The following CLIC5 variants were observed in gnomAD, a reference collection of about 807,000 sequenced individuals.
CLIC5 encodes chloride intracellular channel protein 5.
A neutral mutation model predicts 24.7 loss-of-function variants in CLIC5; 20 were observed. The ratio of observed to expected loss-of-function variants is 0.81; its 90% CI spans 0.57 to 1.18. The LOEUF (loss-of-function observed/expected upper bound fraction) is 1.18. Ranked by LOEUF, CLIC5 falls within the 50% of genes most tolerant of loss-of-function variation. The pLI, the probability that CLIC5 is intolerant of heterozygous loss-of-function variation, is 0.00. For missense variants in CLIC5, 341 were observed against 326.1 expected (o/e 1.05, Z -0.35); for synonymous variants, 159 against 135.6 (o/e 1.17, Z -1.20).
At chr6:45,904,299 GTAT>G (rs1426605509) in intron 5 of CLIC5, among the ~76,000 whole-genome samples, 4 of 152,024 alleles carry the variant, frequency 2.6e-5, no homozygotes, top group African/African-American at 9.7e-5. Context: ...TAAACATCAA[GTAT>G]TATTATAATT....
At chr6:46,026,039 A>G (rs1767322614) in intron 1 of CLIC5, among the ~76,000 whole-genome samples, 2 of 152,188 alleles carry the variant, frequency 1.3e-5, no homozygotes, top group South Asian at 2.1e-4. Context: ...TTATAGCAGT[A>G]TGAGAACGGA....
chr6:45,966,850 G>T (rs565754525), intron 1 of CLIC5, among the ~76,000 whole-genome samples: 73 of 152,318 alleles, frequency 4.8e-4, no homozygotes, highest in African/African-American at 1.6e-3. Context: ...TCAAGTCAAT[G>T]CAGCCATAAA....
At chr6:45,970,000 A>G (rs1288176718) in intron 1 of CLIC5, among the ~76,000 whole-genome samples, 1 of 152,144 alleles carries the variant, frequency 6.6e-6, no homozygotes, top group African/African-American at 2.4e-5. Context: ...ATGGGGGCGC[A>G]GTGCCTGGCA....
At chr6:46,103,372 G>A in the CLIC5 span, among the ~76,000 whole-genome samples, 1 of 152,184 alleles carries the variant, frequency 6.6e-6, no homozygotes, top group East Asian at 1.9e-4. Context: ...CTGCAAAGCT[G>A]CCTTTCGTAG....
chr6:45,910,038 A>G (rs1435384879), intron 5 of CLIC5, among the ~76,000 whole-genome samples: 2 of 152,194 alleles, frequency 1.3e-5, no homozygotes, highest in Non-Finnish European at 2.9e-5. Context: ...ACATCTGGGA[A>G]CATTTTTTCC....
At chr6:46,050,876 T>TGC (rs1768084456) in intron 1 of CLIC5, among the ~76,000 whole-genome samples, 1 of 151,744 alleles carries the variant, frequency 6.6e-6, no homozygotes. Context: ...TGTGTGTGTG[T>TGC]GCATTCCTCC....
chr6:45,957,405 C>T (rs1764681166), intron 1 of CLIC5, among the ~76,000 whole-genome samples: 1 of 152,092 alleles, frequency 6.6e-6, no homozygotes, highest in African/African-American at 2.4e-5. Flanking sequence ...AATAACTGGC[C>T]TAAGGTTATC....
At chr6:45,994,738 C>T (rs1329477815) in intron 1 of CLIC5, among the ~76,000 whole-genome samples, 1 of 152,142 alleles carries the variant, frequency 6.6e-6, no homozygotes, top group Non-Finnish European at 1.5e-5. Context: ...GCCCACGGAC[C>T]TACAGAGACA....
chr6:45,935,584 G>C (rs1763901218), intron 4 of CLIC5, among the ~76,000 whole-genome samples: 2 of 152,216 alleles, frequency 1.3e-5, no homozygotes, highest in Non-Finnish European at 2.9e-5. Flanking sequence ...AAAAGTGAAT[G>C]TGGGGCTCAG....
In CLIC5 at chr6:45,914,268, A is replaced by G; in HGVS notation, c.548T>C (p.Leu183Pro). Reference sequence around the variant, plus strand: ...CTTGGGCAACAGATTGCAGTCAGCCAGGGTCAGCTCATCCCCATCCAGGAA... The same window carrying G: ...CTTGGGCAACAGATTGCAGTCAGCCGGGGTCAGCTCATCCCCATCCAGGAA... ...RKFLDGDELT[L>P]ADCNLLPKLH... Residue 183 changes from leucine (L) to proline (P), a missense_variant, in exon 5 of 6, where the codon CTG becomes CCG. Transcript: ENST00000339561. The G allele has an allele frequency of 3.1e-6, 5 of 1,608,194 alleles. No homozygotes were observed. The African/African-American group carries it at 4.0e-5, about 13-fold the overall frequency.
At chr6:45,962,980 A>G (rs577298319) in intron 1 of CLIC5, among the ~76,000 whole-genome samples, 1 of 152,318 alleles carries the variant, frequency 6.6e-6, no homozygotes, top group Admixed American at 6.5e-5. Flanking sequence ...CTGAGAAAGA[A>G]CTGCCCTTTC....
intron 1 of CLIC5, among the ~76,000 whole-genome samples, chr6:46,069,948 A>G (rs1762547888): frequency 6.6e-6 from 1 of 152,212 alleles, no homozygotes; most frequent in African/African-American, 2.4e-5. Context: ...GACTCATCAC[A>G]TACACAGAAC....
At chr6:45,911,902 T>A (rs1361214238) in intron 5 of CLIC5, 2 of 985,340 alleles carry the variant, frequency 2.0e-6, no homozygotes, top group East Asian at 2.3e-4. Context: ...AGATGAGAAC[T>A]AGGAGGGGGC....
At chr6:46,012,749 A>C (rs1562004095) in intron 1 of CLIC5, among the ~76,000 whole-genome samples, 1 of 152,224 alleles carries the variant, frequency 6.6e-6, no homozygotes, top group African/African-American at 2.4e-5. Context: ...TCAACAGAAC[A>C]GGAGGAATTA....
chr6:45,971,577 C>G (rs1184151421), intron 1 of CLIC5, among the ~76,000 whole-genome samples: 1 of 152,200 alleles, frequency 6.6e-6, no homozygotes, highest in Admixed American at 6.5e-5. Flanking sequence ...AGATAGTCTT[C>G]TAGATCCTAT....
chr6:45,909,787 G>C (rs1762766290), intron 5 of CLIC5, among the ~76,000 whole-genome samples: 1 of 152,098 alleles, frequency 6.6e-6, no homozygotes, highest in Admixed American at 6.6e-5. Flanking sequence ...TATCTCACAG[G>C]TGTTCTCTGG....
chr6:45,988,735 A>G (rs1176394223), intron 1 of CLIC5, among the ~76,000 whole-genome samples: 2 of 152,254 alleles, frequency 1.3e-5, no homozygotes, highest in African/African-American at 4.8e-5. Flanking sequence ...TTTTGAGAAC[A>G]AAGGCTGCTG....
At chr6:46,057,419 A>T (rs1046498427) in intron 1 of CLIC5, among the ~76,000 whole-genome samples, 1 of 152,220 alleles carries the variant, frequency 6.6e-6, no homozygotes, top group African/African-American at 2.4e-5. Context: ...CTCCCCAGCC[A>T]TGTGGAACTG....
At chr6:45,943,952 A>G (rs1040389898) in intron 3 of CLIC5, among the ~76,000 whole-genome samples, 1 of 152,248 alleles carries the variant, frequency 6.6e-6, no homozygotes, top group Non-Finnish European at 1.5e-5. Flanking sequence ...TATATAGGAT[A>G]AGTGCATTCA....
Sources: gnomAD v4.1 joint callset for allele counts (sites outside exome capture counted in the v4.1 genomes callset) on GRCh38, gnomAD v4.1.1 for gene constraint, MANE v1.5 for transcripts, NCBI Gene and HGNC (gene_info 2026-07-23, HGNC 2026-07-21) for gene names.